The following RBL1 variants were observed in gnomAD, a reference collection of about 807,000 sequenced individuals.
RBL1 encodes the protein RB transcriptional corepressor like 1, also known as retinoblastoma-like protein 1.
RBL1 carries 82 observed loss-of-function variants against 123.0 expected under a neutral mutation model. The ratio of observed to expected loss-of-function variants is 0.67; its 90% CI spans 0.56 to 0.80. The LOEUF (loss-of-function observed/expected upper bound fraction) is 0.80. Among genes scored for constraint, RBL1 ranks in the 30% least tolerant of loss-of-function variants. The probability of loss-of-function intolerance (pLI) is 0.00; values close to 1 mark genes in which losing one functional copy is unlikely to be tolerated. For synonymous variants in RBL1, 405 were observed against 441.3 expected, an observed-to-expected ratio of 0.92 and a Z score of 1.03; for missense variants, 1,171 against 1,299.6, an observed-to-expected ratio of 0.90 and a Z score of 1.52.
intron 2 of RBL1, among the ~76,000 whole-genome samples, chr20:37,078,560 G>A (rs1320004282): frequency 6.6e-6 from 1 of 152,126 alleles, no homozygotes; most frequent in Non-Finnish European, 1.5e-5. Flanking sequence ...CTTACTTTCT[G>A]GCATAAGAAG....
intron 2 of RBL1, among the ~76,000 whole-genome samples, chr20:37,079,502 T>G (rs1464635938): frequency 2.1e-5 from 3 of 144,908 alleles, no homozygotes; most frequent in Non-Finnish European, 4.5e-5. Context: ...GGTCTTGCTC[T>G]GTCACCTAGG....
intron 11 of RBL1, 51 bp from the exon 12 acceptor site, chr20:37,047,241 T>C (rs201276309): frequency 1.9e-6 from 3 of 1,549,024 alleles, no homozygotes; most frequent in Non-Finnish European, 2.6e-6. Context: ...ATTTCAGTCT[T>C]TGCCATTCCA....
intron 7 of RBL1, among the ~76,000 whole-genome samples, chr20:37,064,037 G>T (rs1353956030): frequency 1.3e-5 from 2 of 151,358 alleles, no homozygotes; most frequent in African/African-American, 4.9e-5. Context: ...GCCCAGGCTG[G>T]TCTCCAACCT....
intron 21 of RBL1, 23 bp from the exon 22 acceptor site, chr20:36,998,952 T>C: frequency 1.9e-6 from 3 of 1,598,292 alleles, no homozygotes; most frequent in Non-Finnish European, 2.6e-6. Flanking sequence ...AGAGAACGTG[T>C]GTGAGTAAAA....
rs2064780706 is a variant in RBL1, at chr20:37,044,247, T to C, written c.1609A>G (p.Ile537Val). 1 of 1,613,754 alleles carries C rather than the reference T, an allele frequency of 6.2e-7. No homozygotes were observed. Among genetic ancestry groups the C allele is most frequent in the South Asian group, 1.1e-5 (1 of 91,032 alleles). Reference sequence around the variant, plus strand: ...TCTTCTGAGCGGATCACCACCTCAATAACCTGCAGAGGAGAAAGTGAGAAG... The same window carrying C: ...TCTTCTGAGCGGATCACCACCTCAACAACCTGCAGAGGAGAAAGTGAGAAG... ...NLQPFYFYKV[I>V]EVVIRSEEGL... Residue 537 changes from isoleucine to valine, a missense_variant, in exon 13 of 22, where the codon ATT becomes GTT. Transcript: ENST00000373664.
chr20:37,020,457 T>C (rs1359996733), intron 18 of RBL1, among the ~76,000 whole-genome samples: 1 of 152,214 alleles, frequency 6.6e-6, no homozygotes, highest in East Asian at 1.9e-4. Context: ...TGAAAGTATA[T>C]GGATGAGTCG....
chr20:37,072,707 TGAA>T (rs1345078451), intron 2 of RBL1, among the ~76,000 whole-genome samples: 1 of 152,044 alleles, frequency 6.6e-6, no homozygotes, highest in East Asian at 1.9e-4. Context: ...TGCAGAGAAG[TGAA>T]GAAGTGGTGA....
At chr20:37,033,757 A>G (rs755826440) in intron 15 of RBL1, among the ~76,000 whole-genome samples, 1 of 151,486 alleles carries the variant, frequency 6.6e-6, no homozygotes, top group Admixed American at 6.6e-5. Flanking sequence ...GACTACAGGC[A>G]TGCGCCACCA....
intron 14 of RBL1, among the ~76,000 whole-genome samples, chr20:37,039,706 G>C (rs1161478453): frequency 6.6e-6 from 1 of 151,992 alleles, no homozygotes; most frequent in Admixed American, 6.6e-5. Flanking sequence ...GTGAGAACAG[G>C]CTAATACACT....
At chr20:37,011,747 T>G (rs2064151592) in intron 19 of RBL1, among the ~76,000 whole-genome samples, 1 of 152,128 alleles carries the variant, frequency 6.6e-6, no homozygotes, top group African/African-American at 2.4e-5. Flanking sequence ...AAATGGGTTT[T>G]TACTGATGAA....
intron 2 of RBL1, among the ~76,000 whole-genome samples, chr20:37,086,931 G>A (rs1434347543): frequency 6.6e-6 from 1 of 152,216 alleles, no homozygotes; most frequent in Non-Finnish European, 1.5e-5. Flanking sequence ...CATCAGATGT[G>A]ATATCCTCAG....
rs570236131 is a variant in RBL1 at position 37,038,642 on chromosome 20, C to T, written c.1903+1511G>A. ...TTCTGAAACAGAGTCTCGCTCTGTCCGCCAGGCTGGGGTCCAGTGGTGTGA... is the reference window on the plus strand; with the variant it reads ...TTCTGAAACAGAGTCTCGCTCTGTCTGCCAGGCTGGGGTCCAGTGGTGTGA... On this transcript the variant is annotated intron_variant, in intron 14 of 21. Transcript: ENST00000373664. Among the ~76,000 whole-genome samples the T allele has an allele frequency of 1.6e-3, 229 of 139,816 alleles. 4 individuals carry two copies. The highest frequency in any genetic ancestry group is 1.9e-3 in the South Asian group (8 of 4,276). 91.7% of individuals were successfully genotyped at this position (139,816 alleles called of 152,430 possible). A position where few individuals can be genotyped will look rare whatever the true frequency, so the allele number is the denominator to read the frequency against.
chr20:37,027,878 CTG>C (rs2064450852), intron 16 of RBL1, among the ~76,000 whole-genome samples: 1 of 152,160 alleles, frequency 6.6e-6, no homozygotes, highest in South Asian at 2.1e-4. Context: ...CTTCAGCCTC[CTG>C]AGTAGCTGGG....
At position 37,094,719 on chromosome 20, in the gene RBL1, C is replaced by T. The variant is rs187612766; in HGVS notation, c.156+1054G>A. Among the ~76,000 whole-genome samples, 2 of 152,332 alleles carry T rather than the reference C, an allele frequency of 1.3e-5. 1 individual carries two copies. The highest frequency in any genetic ancestry group is 4.8e-5 in the African/African-American group (2 of 41,578). On this transcript the variant is annotated intron_variant, in intron 1 of 21. Coordinates refer to ENST00000373664, the MANE Select transcript of RBL1 (RefSeq NM_002895.5). ...TGGTGTGATCTCCACTCACTGCGGC[C>T]TATGCCTCCTGGGTTTAAGCAATTC... is the stretch of plus-strand genomic sequence containing the variant.
intron 20 of RBL1, 43 bp from the exon 21 acceptor site, chr20:37,003,909 C>T: frequency 6.6e-7 from 1 of 1,518,268 alleles, no homozygotes; most frequent in South Asian, 1.3e-5. Context: ...AAAAGTTTTT[C>T]TTTGTTTTTG....
At chr20:37,007,129 G>A (rs940939830) in intron 20 of RBL1, among the ~76,000 whole-genome samples, 2 of 151,910 alleles carry the variant, frequency 1.3e-5, no homozygotes, top group African/African-American at 4.8e-5. Context: ...TGTGGCTGTC[G>A]TACCAGCTAT....
chr20:37,066,638 G>T, intron 6 of RBL1, 86 bp downstream of exon 6: 1 of 1,245,372 alleles, frequency 8.0e-7, no homozygotes, highest in Non-Finnish European at 1.1e-6. Context: ...GTTCTATAAT[G>T]CTGAGAACTT....
intron 11 of RBL1, among the ~76,000 whole-genome samples, chr20:37,053,958 G>A (rs541502422): frequency 6.9e-4 from 105 of 152,116 alleles, no homozygotes; most frequent in South Asian, 1.9e-3. Flanking sequence ...GGGGTAGCAG[G>A]AAGGAGATCT....
chr20:37,078,186 T>C (rs751119528), intron 2 of RBL1, among the ~76,000 whole-genome samples: 5 of 152,188 alleles, frequency 3.3e-5, no homozygotes, highest in Non-Finnish European at 7.3e-5. Context: ...ATTAGTCCCA[T>C]TACTGATAAC....
Sources: allele counts gnomAD v4.1 joint callset (sites outside exome capture counted in the v4.1 genomes callset), GRCh38; gene constraint gnomAD v4.1.1; transcripts MANE v1.5; gene names NCBI Gene and HGNC (gene_info 2026-07-23, HGNC 2026-07-21).